The following AKT1 variants were observed in gnomAD, a reference collection of about 807,000 sequenced individuals.
AKT1 encodes the protein RAC-alpha serine/threonine-protein kinase.
AKT1 carries 21 observed loss-of-function variants against 63.1 expected under a neutral mutation model. The ratio of observed to expected loss-of-function variants is 0.33; its 90% confidence interval spans 0.24 to 0.48. The LOEUF is 0.48. AKT1 is among the 20% of genes least tolerant of loss of function. The pLI is 0.99. For synonymous variants in AKT1, 257 were observed against 253.1 expected (o/e 1.02, Z -0.15); for missense variants, 382 against 666.0 (o/e 0.57, Z 4.69).
intron 8 of AKT1, chr14:104,774,721 C>T (rs1430173066): frequency 5.0e-6 from 3 of 594,530 alleles, no homozygotes; most frequent in Non-Finnish European, 8.8e-6. Flanking sequence ...CTGCCCCACC[C>T]ACCTGCCCGC....
At chr14:104,775,478 T>A in intron 6 of AKT1, 174 bp downstream of exon 6, 3 of 1,092,266 alleles carry the variant, frequency 2.7e-6, no homozygotes, top group Non-Finnish European at 3.8e-6. Flanking sequence ...TCCTCTGACA[T>A]GGGGAAGAGG....
chr14:104,787,768 A>T (rs1437476615), intron 3 of AKT1, among the ~76,000 whole-genome samples: 1 of 152,234 alleles, frequency 6.6e-6, no homozygotes, highest in African/African-American at 2.4e-5. Flanking sequence ...AGAGAGGGCC[A>T]GTGACCAAGA....
intron 1 of AKT1, chr14:104,793,648 C>T (rs1202450854): frequency 1.2e-5 from 2 of 169,220 alleles, no homozygotes; most frequent in Non-Finnish European, 2.6e-5. Context: ...TGGACAGGCC[C>T]CCGCCCTGCA....
At chr14:104,771,372 G>A (rs986943316) in intron 13 of AKT1, 2 of 232,464 alleles carry the variant, frequency 8.6e-6, no homozygotes, top group Non-Finnish European at 1.7e-5. Flanking sequence ...ATGTGCACAC[G>A]TGAGGAGCTG....
At chr14:104,786,213 G>GC (rs1372773735) in intron 3 of AKT1, 4 of 152,176 alleles carry the variant, frequency 2.6e-5, no homozygotes, top group African/African-American at 9.7e-5. Context: ...CTCCTACTCT[G>GC]CCCCCGCCCA....
intron 3 of AKT1, among the ~76,000 whole-genome samples, chr14:104,782,637 G>C (rs1312498184): frequency 6.6e-6 from 1 of 152,140 alleles, no homozygotes; most frequent in African/African-American, 2.4e-5. Flanking sequence ...GGCCCAAATG[G>C]GCCCTGGGCT....
At chr14:104,784,743 C>T (rs1272250071) in intron 3 of AKT1, among the ~76,000 whole-genome samples, 1 of 152,182 alleles carries the variant, frequency 6.6e-6, no homozygotes, top group African/African-American at 2.4e-5. Context: ...CCAGGCCACA[C>T]TGTGGGTCAG....
At chr14:104,794,444 C>G (rs1297724857) in intron 1 of AKT1, 1 of 152,286 alleles carries the variant, frequency 6.6e-6, no homozygotes, top group Non-Finnish European at 1.5e-5. Context: ...CAGGCCAGCA[C>G]AGGGCTGCCT....
intron 4 of AKT1, 48 bp from the exon 5 acceptor site, chr14:104,776,818 C>G (rs1892741803): frequency 4.5e-6 from 7 of 1,538,752 alleles, no homozygotes; most frequent in Non-Finnish European, 6.2e-6. Flanking sequence ...CTGCCCCTCC[C>G]AGGGCCCTCA....
At position 104,782,325 on chromosome 14, in the gene AKT1, G is replaced by A. The variant is rs141923519; in HGVS notation, c.47-2109C>T. Among the ~76,000 whole-genome samples, 101 of 152,258 alleles carry A rather than the reference G, an allele frequency of 6.6e-4. No individual in the cohort carries two copies. The East Asian group carries it at 0.011, about 17-fold the overall frequency. On this transcript the variant is annotated intron_variant, in intron 3 of 14. Transcript: ENST00000649815. ...TAACTGAGCGGGAAGACTGATGAGC[G>A]CCCAGGCCCGGCACCCCTGAAACCC...
chr14:104,774,315 T>A (rs1291336614), intron 8 of AKT1: 1 of 395,294 alleles, frequency 2.5e-6, no homozygotes, highest in Admixed American at 3.7e-5. Context: ...TGCCAAGGAG[T>A]GTTTGAAAGG....
intron 4 of AKT1, chr14:104,777,417 C>T (rs961825767): frequency 3.3e-5 from 17 of 517,402 alleles, no homozygotes; most frequent in African/African-American, 6.3e-5. Flanking sequence ...CTGGGGCACA[C>T]GCACACCTGG....
chr14:104,793,156 C>G lies in AKT1; in HGVS notation c.-109G>C, dbSNP rs1004916848. The G allele has an allele frequency of 5.1e-6, 1 of 195,640 alleles. No individual in the cohort carries two copies. Among genetic ancestry groups the G allele is most frequent in the African/African-American group, 2.3e-5 (1 of 43,012 alleles). 12.1% of individuals were successfully genotyped at this position (195,640 alleles called of 1,614,324 possible). A position where few individuals can be genotyped will look rare whatever the true frequency, so the allele number is the denominator to read the frequency against. On this transcript the variant is annotated 5_prime_UTR_variant, in exon 2 of 15. Transcript: ENST00000649815. ...TGCACCAGCTGACAGGCTGCCTCCT[C>G]CAGGCAGCCCCTTTGACTTCTTTGA...
rs1186786985 is a variant in AKT1 at position 104,769,449 on chromosome 14, T to A, written c.*892A>T. ...TGAATGTTGTAAAAAAACGCCGTGG[T>A]GCAGCGGCAGCGGCAGCGTCTGGCC... On this transcript the variant is annotated 3_prime_UTR_variant, in exon 15 of 15. Transcript: ENST00000649815. 1 of 437,522 alleles carries A rather than the reference T, an allele frequency of 2.3e-6. No individual in the cohort carries two copies. Among genetic ancestry groups the A allele is most frequent in the East Asian group, 4.9e-5 (1 of 20,558 alleles). The allele number at this position is 437,522 out of a possible 1,614,324, so 27.1% of individuals were successfully genotyped here.
intron 4 of AKT1, chr14:104,777,084 C>G (rs1437027822): frequency 9.0e-6 from 3 of 335,072 alleles, no homozygotes; most frequent in Non-Finnish European, 1.1e-5. Flanking sequence ...TGCGCCAGGC[C>G]TCAGAGGATG....
intron 8 of AKT1, 128 bp downstream of exon 8, chr14:104,774,810 C>G: frequency 9.5e-7 from 1 of 1,053,968 alleles, no homozygotes; most frequent in South Asian, 1.6e-5. Context: ...GCCTGTCTCA[C>G]CAGCGGCGGA....
chr14:104,779,115 C>T (rs1221950137), intron 4 of AKT1, among the ~76,000 whole-genome samples: 5 of 152,216 alleles, frequency 3.3e-5, no homozygotes, highest in African/African-American at 1.2e-4. Flanking sequence ...CCTAGCAGGG[C>T]GCCTGGGTCT....
chr14:104,772,471 GC>G lies in AKT1; in HGVS notation c.1173-20del. ...GCCAAGCCTGCAGGCAGGAAACAAG[GC>G]CACAGTGTCGGTACCGCCACCTGCC... On this transcript the variant is annotated intron_variant, in intron 12 of 14. Coordinates refer to ENST00000649815, the MANE Select transcript of AKT1 (RefSeq NM_001382430.1). 3 of 1,613,068 alleles carry G rather than the reference GC, an allele frequency of 1.9e-6. No individual in the cohort carries two copies. The highest frequency in any genetic ancestry group is 2.5e-6 in the Non-Finnish European group (3 of 1,179,602).
At chr14:104,790,489 C>A (rs1163611133) in intron 3 of AKT1, among the ~76,000 whole-genome samples, 5 of 152,200 alleles carry the variant, frequency 3.3e-5, no homozygotes, top group African/African-American at 1.2e-4. Flanking sequence ...GAGGGTGGCA[C>A]AGCACATCTG....
Sources: gnomAD v4.1 joint callset for allele counts (sites outside exome capture counted in the v4.1 genomes callset) on GRCh38, gnomAD v4.1.1 for gene constraint, MANE v1.5 for transcripts, NCBI Gene and HGNC (gene_info 2026-07-23, HGNC 2026-07-21) for gene names.